Variants in DGKB observed in about 807,000 individuals in gnomAD.
DGKB encodes 90 kDa diacylglycerol kinase.
A neutral mutation model predicts 114.3 loss-of-function variants in DGKB; 67 were observed. The ratio of observed to expected loss-of-function variants is 0.59; its 90% CI spans 0.48 to 0.72. DGKB has a LOEUF of 0.72. Ranked by LOEUF, DGKB falls within the 30% of genes least tolerant of loss-of-function variation. The pLI is 0.00. For missense variants in DGKB, 907 were observed against 975.2 expected (o/e 0.93, Z 0.93); for synonymous variants, 398 against 323.1 (o/e 1.23, Z -2.49).
In DGKB at chr7:14,910,243, AAAGAAAGAAAG is replaced by A. The variant is rs1431595792; in HGVS notation, c.-188+64442_-188+64452del. 2.4e-3 allele frequency among the ~76,000 whole-genome samples: 5 copies of A among 2,070 alleles called. No homozygotes were observed. The East Asian group carries it at 0.024, about 10-fold the overall frequency. The allele number at this position is 2,070 out of a possible 152,430, so 1.4% of individuals were successfully genotyped here. ...GTGACAGAGCGAGACTCCATCAAAAAAAGAAAGAAAGAAAGAAAGAAAGAAAGAAAGAAAGA... is the reference window on the plus strand; with the variant it reads ...GTGACAGAGCGAGACTCCATCAAAAAAAAGAAAGAAAGAAAGAAAGAAAGA... On this transcript the variant is annotated intron_variant, in intron 1 of 4. Transcript: ENST00000437998.
At chr7:14,807,660 G>A (rs1486956417) in intron 2 of DGKB, among the ~76,000 whole-genome samples, 1 of 151,970 alleles carries the variant, frequency 6.6e-6, no homozygotes, top group African/African-American at 2.4e-5. Flanking sequence ...CCTGGAAATA[G>A]CTCAACATGC....
At chr7:14,627,232 T>G (rs1009989304) in intron 14 of DGKB, among the ~76,000 whole-genome samples, 4 of 152,196 alleles carry the variant, frequency 2.6e-5, no homozygotes, top group African/African-American at 9.7e-5. Flanking sequence ...TAGCTGAGAA[T>G]AATTGCTGTG....
chr7:14,819,735 G>A (rs1327335690), intron 2 of DGKB, among the ~76,000 whole-genome samples: 1 of 152,104 alleles, frequency 6.6e-6, no homozygotes, highest in Non-Finnish European at 1.5e-5. Flanking sequence ...ATGGTTTGTA[G>A]AGTTAAAATT....
chr7:14,558,388 T>A (rs955893772), intron 20 of DGKB, among the ~76,000 whole-genome samples: 10 of 152,128 alleles, frequency 6.6e-5, no homozygotes, highest in Admixed American at 3.9e-4. Context: ...CCTGTATAGT[T>A]TGCCATTTTT....
chr7:14,869,438 G>A (rs1027493574), intron 1 of DGKB, among the ~76,000 whole-genome samples: 34 of 151,754 alleles, frequency 2.2e-4, no homozygotes, highest in African/African-American at 8.0e-4. Flanking sequence ...CTTTACAATC[G>A]ATATACACTC....
At chr7:14,801,066 T>G (rs1429785503) in intron 2 of DGKB, among the ~76,000 whole-genome samples, 1 of 152,230 alleles carries the variant, frequency 6.6e-6, no homozygotes, top group Non-Finnish European at 1.5e-5. Flanking sequence ...TACTTTGTTA[T>G]GAATAAGTGT....
In DGKB at chr7:14,792,061, G is replaced by A. The variant is rs73068685; in HGVS notation, c.71-34330C>T. On this transcript the variant is annotated intron_variant, in intron 2 of 25. Transcript: ENST00000402815. ...GGTATTAATTCTTCTGTAAATTTTT[G>A]ATAAAATTCCTCAGTGAAACCATGT... Among the ~76,000 whole-genome samples the A allele has an allele frequency of 1.5e-3, 230 of 152,078 alleles. 1 individual carries two copies. In the Middle Eastern group the frequency reaches 0.02, roughly 13 times the overall value.
intron 13 of DGKB, among the ~76,000 whole-genome samples, chr7:14,649,988 T>A (rs1357728584): frequency 6.6e-6 from 1 of 150,480 alleles, no homozygotes; most frequent in East Asian, 2.0e-4. Context: ...GCACCCAGAT[T>A]CATAAAGCAA....
At chr7:14,900,544 C>T (rs1782852277) in intron 1 of DGKB, among the ~76,000 whole-genome samples, 1 of 152,146 alleles carries the variant, frequency 6.6e-6, no homozygotes, top group Non-Finnish European at 1.5e-5. Context: ...CAGCTATCTT[C>T]ATCTGGCTTG....
chr7:14,268,750 T>A (rs1797877296), intron 23 of DGKB: 1 of 152,196 alleles, frequency 6.6e-6, no homozygotes, highest in African/African-American at 2.4e-5. Context: ...ATAACTTATT[T>A]AGAACATATA....
intron 21 of DGKB, among the ~76,000 whole-genome samples, chr7:14,432,876 G>A (rs1016424816): frequency 6.6e-6 from 1 of 151,884 alleles, no homozygotes; most frequent in Non-Finnish European, 1.5e-5. Flanking sequence ...CAAGTAACAC[G>A]CTCCAAAGGT....
chr7:14,644,790 A>G (rs1368041860), intron 13 of DGKB, among the ~76,000 whole-genome samples: 1 of 152,246 alleles, frequency 6.6e-6, no homozygotes, highest in African/African-American at 2.4e-5. Context: ...ATTGAATAAA[A>G]TAATACTTGA....
At chr7:14,256,868 A>G (rs1465040060) in intron 23 of DGKB, among the ~76,000 whole-genome samples, 1 of 152,216 alleles carries the variant, frequency 6.6e-6, no homozygotes, top group Non-Finnish European at 1.5e-5. Context: ...TTCTAATTAA[A>G]TTATGAGAAT....
At chr7:14,696,309 C>A (rs570522982) in intron 8 of DGKB, among the ~76,000 whole-genome samples, 201 of 151,176 alleles carry the variant, frequency 1.3e-3, no homozygotes, top group South Asian at 4.2e-3. Context: ...CTGGCTAACA[C>A]GGTGAAACCC....
At chr7:14,214,910 G>A (rs1788708619) in intron 23 of DGKB, among the ~76,000 whole-genome samples, 1 of 152,148 alleles carries the variant, frequency 6.6e-6, no homozygotes, top group South Asian at 2.1e-4. Context: ...ACACAGTACT[G>A]TCCTGACTTC....
intron 13 of DGKB, among the ~76,000 whole-genome samples, chr7:14,656,149 T>C (rs1332231735): frequency 1.3e-5 from 2 of 151,616 alleles, no homozygotes; most frequent in Non-Finnish European, 3.0e-5. Flanking sequence ...CCTATAAATA[T>C]GTAAAATTAT....
chr7:14,327,713 A>C (rs1808991118), intron 23 of DGKB, among the ~76,000 whole-genome samples: 2 of 152,148 alleles, frequency 1.3e-5, no homozygotes, highest in African/African-American at 4.8e-5. Context: ...CTCACTAGAC[A>C]TTCTGATACT....
At chr7:14,851,957 G>A (rs1473305686) in intron 1 of DGKB, among the ~76,000 whole-genome samples, 16 of 152,104 alleles carry the variant, frequency 1.1e-4, no homozygotes, top group Admixed American at 1.0e-3. Flanking sequence ...TCTCAGCTGA[G>A]CTACCAGGAT....
intron 2 of DGKB, among the ~76,000 whole-genome samples, chr7:14,835,567 C>G (rs754188716): frequency 3.3e-5 from 5 of 152,146 alleles, no homozygotes; most frequent in Non-Finnish European, 7.3e-5. Flanking sequence ...TAGAGCCAAT[C>G]TAACACAGGG....
Sources: gnomAD v4.1 joint callset for allele counts (sites outside exome capture counted in the v4.1 genomes callset) on GRCh38, gnomAD v4.1.1 for gene constraint, MANE v1.5 for transcripts, NCBI Gene and HGNC (gene_info 2026-07-23, HGNC 2026-07-21) for gene names.